Variants in SLCO3A1 observed in about 807,000 individuals in gnomAD.
SLCO3A1 encodes the protein PGE1 transporter.
SLCO3A1 carries 27 observed loss-of-function variants against 63.1 expected under a neutral mutation model. The observed-to-expected ratio is 0.43, with a 90% CI of 0.32 to 0.59. The LOEUF (loss-of-function observed/expected upper bound fraction) is 0.59. Among genes scored for constraint, SLCO3A1 ranks in the 20% least tolerant of loss-of-function variants. The pLI, the probability that SLCO3A1 is intolerant of heterozygous loss-of-function variation, is 0.09. For missense variants in SLCO3A1, 773 were observed against 945.8 expected, an observed-to-expected ratio of 0.82 and a Z score of 2.40; for synonymous variants, 473 against 409.9, an observed-to-expected ratio of 1.15 and a Z score of -1.86.
intron 1 of SLCO3A1, among the ~76,000 whole-genome samples, chr15:91,904,329 C>T (rs1283400111): frequency 2.6e-5 from 4 of 152,170 alleles, no homozygotes; most frequent in Non-Finnish European, 5.9e-5. Flanking sequence ...CCTGGGGGAG[C>T]GAGACCAAGT....
At chr15:92,113,429 G>A (rs576655882) in intron 4 of SLCO3A1, among the ~76,000 whole-genome samples, 2 of 152,234 alleles carry the variant, frequency 1.3e-5, no homozygotes, top group Admixed American at 6.5e-5. Context: ...AGCTAACATT[G>A]GGATTTCATT....
chr15:92,091,382 G>A (rs1340631721), intron 2 of SLCO3A1, among the ~76,000 whole-genome samples: 1 of 152,196 alleles, frequency 6.6e-6, no homozygotes, highest in Admixed American at 6.5e-5. Flanking sequence ...CTTCCACAGG[G>A]ATCCTGCATC....
At chr15:92,027,870 T>C (rs2046595544) in intron 2 of SLCO3A1, among the ~76,000 whole-genome samples, 1 of 152,138 alleles carries the variant, frequency 6.6e-6, no homozygotes, top group South Asian at 2.1e-4. Flanking sequence ...AGCTTGGTTT[T>C]TAGTTTATTT....
chr15:91,873,531 TAC>T (rs71912147), intron 1 of SLCO3A1, among the ~76,000 whole-genome samples: 55,224 of 146,492 alleles, frequency 0.38, 10,391 homozygotes, highest in East Asian at 0.65. Flanking sequence ...GCTACATTCA[TAC>T]ACACACACAC....
At chr15:91,973,077 T>C (rs1597174784) in intron 2 of SLCO3A1, among the ~76,000 whole-genome samples, 1 of 152,124 alleles carries the variant, frequency 6.6e-6, no homozygotes, top group South Asian at 2.1e-4. Flanking sequence ...ATCACGCCAT[T>C]GCACTCCAGT....
rs1286578652 is a variant in SLCO3A1, at chr15:91,859,983, A to G, written c.180+5895A>G. Among the ~76,000 whole-genome samples, 1 of 152,238 alleles carries G rather than the reference A, an allele frequency of 6.6e-6. No individual in the cohort carries two copies. Among genetic ancestry groups the G allele is most frequent in the East Asian group, 1.9e-4 (1 of 5,204 alleles). Reference sequence around the variant, plus strand: ...TTTTTAAGGGCAAGTAATAAGCTAAATATCAGTTGCTAATTCTGTTTATTC... The same window carrying G: ...TTTTTAAGGGCAAGTAATAAGCTAAGTATCAGTTGCTAATTCTGTTTATTC... On this transcript the variant is annotated intron_variant, in intron 1 of 9. Coordinates refer to ENST00000318445, the MANE Select transcript of SLCO3A1 (RefSeq NM_013272.4). This position sits in a 1 kb window ranked among gnomAD's most constrained non-coding sequence, Gnocchi z 5.1.
intron 5 of SLCO3A1, among the ~76,000 whole-genome samples, chr15:92,123,193 G>A (rs1596121051): frequency 6.6e-6 from 1 of 152,270 alleles, no homozygotes; most frequent in South Asian, 2.1e-4. Flanking sequence ...GGGAGGCTGA[G>A]GTGGGTGGAT....
rs1034923010 is a variant in SLCO3A1 at position 91,886,053 on chromosome 15, G to A, written c.181-29940G>A. Reference sequence around the variant, plus strand: ...CCCGGCAGGCCCCTGTGAGCCACAGGGAGGCAGAGTTGGTCCCTTTTAAAT... The same window carrying A: ...CCCGGCAGGCCCCTGTGAGCCACAGAGAGGCAGAGTTGGTCCCTTTTAAAT... On this transcript the variant is annotated intron_variant, in intron 1 of 9. Transcript: ENST00000318445. This position sits in a 1 kb window ranked among gnomAD's most constrained non-coding sequence, Gnocchi z 4.9. 2.0e-5 allele frequency among the ~76,000 whole-genome samples: 3 copies of A among 152,230 alleles called. No individual in the cohort carries two copies. The highest frequency in any genetic ancestry group is 7.2e-5 in the African/African-American group (3 of 41,542).
At chr15:91,930,442 T>C (rs1899185349) in intron 2 of SLCO3A1, among the ~76,000 whole-genome samples, 1 of 152,194 alleles carries the variant, frequency 6.6e-6, no homozygotes, top group Admixed American at 6.5e-5. Flanking sequence ...CTGCATGGGA[T>C]TTAATTTTAT....
At chr15:92,079,740 G>T (rs1228117519) in intron 2 of SLCO3A1, among the ~76,000 whole-genome samples, 1 of 152,256 alleles carries the variant, frequency 6.6e-6, no homozygotes, top group African/African-American at 2.4e-5. Context: ...AGCTGCTGAG[G>T]CTTTGAGGGG....
rs893430566 is a variant in SLCO3A1 at position 92,133,705 on chromosome 15, C to T, written c.1512+5216C>T. Among the ~76,000 whole-genome samples the T allele has an allele frequency of 1.2e-4, 18 of 145,202 alleles. 2 individuals carry two copies. The highest frequency in any genetic ancestry group is 1.2e-3 in the Admixed American group (18 of 14,638). ...GTCTCCCATCATCCCTAGATGGGACCGTCTAGTTACAGGAAAACAAGCTCA... is the reference window on the plus strand; with the variant it reads ...GTCTCCCATCATCCCTAGATGGGACTGTCTAGTTACAGGAAAACAAGCTCA... On this transcript the variant is annotated intron_variant, in intron 7 of 9. Transcript: ENST00000318445.
intron 7 of SLCO3A1, among the ~76,000 whole-genome samples, chr15:92,132,956 G>A (rs2048014081): frequency 6.8e-6 from 1 of 146,046 alleles, no homozygotes; most frequent in Non-Finnish European, 1.5e-5. Context: ...CCATGCATCA[G>A]TATTTTTTTA....
intron 7 of SLCO3A1, among the ~76,000 whole-genome samples, chr15:92,146,430 C>T (rs1242707793): frequency 6.6e-6 from 1 of 152,270 alleles, no homozygotes; most frequent in Non-Finnish European, 1.5e-5. Context: ...TTTGCTTCCT[C>T]AGCCTCCAGA....
chr15:91,919,338 T>G (rs1898765472), intron 2 of SLCO3A1, among the ~76,000 whole-genome samples: 1 of 152,230 alleles, frequency 6.6e-6, no homozygotes, highest in Non-Finnish European at 1.5e-5. Context: ...CTGGCACCAT[T>G]CTTCAGCCCG....
Position 92,032,705 on chromosome 15 carries a change from G to A in SLCO3A1, c.647-62176G>A, listed in dbSNP as rs569497452. On this transcript the variant is annotated intron_variant, in intron 2 of 9. Coordinates refer to ENST00000318445, the MANE Select transcript of SLCO3A1 (RefSeq NM_013272.4). ...TCTTGCAGGTGCAGAGGCCCCCATC[G>A]AAGGCGGTTGCGATGCTCCTGGCAA... 8.5e-5 allele frequency among the ~76,000 whole-genome samples: 13 copies of A among 152,266 alleles called. No homozygotes were observed. In the South Asian group the frequency reaches 1.5e-3, roughly 17 times the overall value.
intron 2 of SLCO3A1, among the ~76,000 whole-genome samples, chr15:92,001,797 C>T (rs2046257638): frequency 1.3e-5 from 2 of 148,418 alleles, no homozygotes; most frequent in African/African-American, 5.0e-5. Context: ...AGAAACGTGA[C>T]GACTGAAATC....
At chr15:92,097,740 G>C (rs1183113910) in intron 3 of SLCO3A1, among the ~76,000 whole-genome samples, 1 of 152,160 alleles carries the variant, frequency 6.6e-6, no homozygotes, top group East Asian at 1.9e-4. Context: ...GCACCGTGAG[G>C]CACCGTGTGG....
intron 2 of SLCO3A1, among the ~76,000 whole-genome samples, chr15:92,069,517 C>G (rs773455239): frequency 6.6e-6 from 1 of 152,208 alleles, no homozygotes; most frequent in African/African-American, 2.4e-5. Flanking sequence ...GCATTCACTA[C>G]GCAAGGGAGG....
rs898028530 is a variant in SLCO3A1, at chr15:91,854,527, C to T, written c.180+439C>T. ...CGTCCTCTACTCTCCATTGCATCCT[C>T]CTCGAGAACAAATCTATTATGCATC... is the stretch of plus-strand genomic sequence containing the variant. On this transcript the variant is annotated intron_variant, in intron 1 of 9. Transcript: ENST00000318445. The surrounding 1 kb of genome is among the most constrained non-coding windows in gnomAD (Gnocchi z 6.4). The T allele has an allele frequency of 4.4e-6, 1 of 228,086 alleles. No individual in the cohort carries two copies. The highest frequency in any genetic ancestry group is 2.3e-5 in the African/African-American group (1 of 42,854). 14.1% of individuals were successfully genotyped at this position (228,086 alleles called of 1,614,324 possible).
Sources: allele counts gnomAD v4.1 joint callset (sites outside exome capture counted in the v4.1 genomes callset), GRCh38; gene constraint gnomAD v4.1.1; non-coding constraint Gnocchi (gnomAD v3.1); transcripts MANE v1.5; gene names NCBI Gene and HGNC (gene_info 2026-07-23, HGNC 2026-07-21).